The following TRIM4 variants were observed in gnomAD, a reference collection of about 807,000 sequenced individuals.
TRIM4 encodes tripartite motif containing 4, also known as E3 ubiquitin-protein ligase TRIM4.
Under a neutral mutation model 33.7 loss-of-function variants are expected in TRIM4, and 29 were observed. The observed-to-expected ratio is 0.86, with a 90% CI of 0.64 to 1.17. TRIM4 has a LOEUF of 1.17. TRIM4 is among the 50% of genes most tolerant of loss of function. TRIM4 has a pLI of 0.00. For synonymous variants in TRIM4, 224 were observed against 233.0 expected, an observed-to-expected ratio of 0.96 and a Z score of 0.35; for missense variants, 554 against 593.7, an observed-to-expected ratio of 0.93 and a Z score of 0.69.
At position 99,909,581 on chromosome 7, in the gene TRIM4, T is replaced by TTC. The variant is rs1232990019; in HGVS notation, c.471_472dup (p.Asn158ArgfsTer10). The TTC allele has an allele frequency of 1.2e-6, 2 of 1,613,894 alleles. No individual in the cohort carries two copies. Among genetic ancestry groups the TTC allele is most frequent in the African/African-American group, 2.7e-5 (2 of 74,898 alleles). ...TGCCATTACCTTCCACTGTGTGGCGTTCTTCACTTCTACATCCTGTAAATG... is the reference window on the plus strand; with the variant it reads ...TGCCATTACCTTCCACTGTGTGGCGTTCTCTTCACTTCTACATCCTGTAAATG... On this transcript the variant is annotated frameshift_variant, in exon 2 of 6. Coordinates refer to ENST00000349062, the MANE Select transcript of TRIM4 (RefSeq NM_033091.3). LOFTEE classifies it high-confidence loss of function.
At chr7:99,913,407 G>A (rs1475501643) in intron 1 of TRIM4, among the ~76,000 whole-genome samples, 1 of 152,160 alleles carries the variant, frequency 6.6e-6, no homozygotes, top group Non-Finnish European at 1.5e-5. Flanking sequence ...GGTGGCTCAC[G>A]CCTGTAATCC....
intron 1 of TRIM4, chr7:99,916,711 A>C (rs2151654168): frequency 2.6e-6 from 2 of 781,022 alleles, no homozygotes; most frequent in East Asian, 4.8e-5. Flanking sequence ...CCTCCTGCTT[A>C]AAATGGTACA....
In TRIM4 at chr7:99,891,014, A is replaced by T. The variant is rs1818881845; in HGVS notation, c.*1149T>A. 6.6e-6 allele frequency: 1 copy of T among 152,254 alleles called. No homozygotes were observed. The highest frequency in any genetic ancestry group is 2.1e-4 in the South Asian group (1 of 4,834). The allele number at this position is 152,254 out of a possible 1,614,324, so 9.4% of individuals were successfully genotyped here. On this transcript the variant is annotated 3_prime_UTR_variant, in exon 6 of 6. Coordinates refer to ENST00000349062, the MANE Select transcript of TRIM4 (RefSeq NM_033091.3). ...CTTACAAACTTTCTACAATAAGTAC[A>T]CATGACTTATATAAACAGAGAAAAG...
At chr7:99,907,289 T>TA (rs1168596310) in intron 3 of TRIM4, among the ~76,000 whole-genome samples, 6 of 152,200 alleles carry the variant, frequency 3.9e-5, no homozygotes, top group African/African-American at 1.4e-4. Flanking sequence ...AGCTAATTTT[T>TA]AGTAGAGACG....
At chr7:99,909,756 A>G in intron 1 of TRIM4, 96 bp from the exon 2 acceptor site, 2 of 987,908 alleles carry the variant, frequency 2.0e-6, no homozygotes, top group Admixed American at 2.7e-5. Context: ...TTTTTGAGAC[A>G]AAGTCTCACT....
chr7:99,917,711 C>T (rs1268970882), intron 1 of TRIM4: 1 of 743,384 alleles, frequency 1.3e-6, no homozygotes, highest in Non-Finnish European at 1.6e-6. Context: ...AAGAGCGAAA[C>T]TCCATCTCAA....
At chr7:99,908,854 C>T (rs1329595029) in intron 2 of TRIM4, 42 bp from the exon 3 acceptor site, 1 of 1,560,234 alleles carries the variant, frequency 6.4e-7, no homozygotes, top group Admixed American at 1.8e-5. Flanking sequence ...TTCTGCCTGA[C>T]CCCAGCTACT....
chr7:99,902,490 G>A (rs921903391), intron 5 of TRIM4, among the ~76,000 whole-genome samples: 44 of 152,102 alleles, frequency 2.9e-4, no homozygotes, highest in African/African-American at 1.0e-3. Flanking sequence ...CAAATGATCC[G>A]CCTGCCTCGA....
chr7:99,891,985 C>T lies in TRIM4; in HGVS notation c.*178G>A, dbSNP rs1367384137. On this transcript the variant is annotated 3_prime_UTR_variant, in exon 6 of 6. Transcript: ENST00000349062. ...GTCCCATCTCCATTGGCCAGACCCA[C>T]CTCCCATGGGACTGCCTCTTGTGAA... 6.7e-6 allele frequency: 4 copies of T among 594,218 alleles called. No individual in the cohort carries two copies. Among genetic ancestry groups the T allele is most frequent in the African/African-American group, 5.6e-5 (3 of 54,050 alleles). The allele number at this position is 594,218 out of a possible 1,614,324, so 36.8% of individuals were successfully genotyped here.
chr7:99,901,797 A>G (rs1819175465), intron 5 of TRIM4: 1 of 294,748 alleles, frequency 3.4e-6, no homozygotes, highest in African/African-American at 2.2e-5. Context: ...CCTTGAGTAG[A>G]TTTTCACAGG....
intron 1 of TRIM4, 47 bp downstream of exon 1, chr7:99,918,962 G>C (rs761702045): frequency 9.9e-5 from 154 of 1,547,938 alleles, no homozygotes; most frequent in Non-Finnish European, 1.2e-4. Context: ...AAACTTTATC[G>C]GGCAACACTG....
intron 5 of TRIM4, among the ~76,000 whole-genome samples, chr7:99,897,459 A>G (rs1246234326): frequency 6.6e-6 from 1 of 152,138 alleles, no homozygotes; most frequent in African/African-American, 2.4e-5. Context: ...ATAATGATAA[A>G]TGTTTGAGGT....
chr7:99,911,425 G>C (rs1324933795), intron 1 of TRIM4, among the ~76,000 whole-genome samples: 2 of 151,910 alleles, frequency 1.3e-5, no homozygotes, highest in African/African-American at 4.8e-5. Flanking sequence ...GCAACTTTCT[G>C]TAAGTCTCAC....
intron 1 of TRIM4, among the ~76,000 whole-genome samples, chr7:99,914,895 C>T (rs941531193): frequency 6.6e-6 from 1 of 151,670 alleles, no homozygotes; most frequent in Non-Finnish European, 1.5e-5. Flanking sequence ...CTGCAACCTC[C>T]GCCTCCCGGA....
chr7:99,901,326 T>C (rs908716606), intron 5 of TRIM4: 1 of 152,240 alleles, frequency 6.6e-6, no homozygotes, highest in Admixed American at 6.5e-5. Flanking sequence ...ACACTCATAA[T>C]AAATGTTTTA....
At chr7:99,900,799 G>T (rs1035711273) in intron 5 of TRIM4, among the ~76,000 whole-genome samples, 16 of 152,164 alleles carry the variant, frequency 1.1e-4, no homozygotes, top group Non-Finnish European at 2.4e-4. Context: ...CCAATGAGAA[G>T]TGTAATGTCA....
At chr7:99,916,879 C>G in intron 1 of TRIM4, 1 of 727,876 alleles carries the variant, frequency 1.4e-6, no homozygotes, top group South Asian at 1.5e-5. Context: ...CTATGGCAAA[C>G]AAGATCCTTC....
chr7:99,908,856 C>A, intron 2 of TRIM4, 44 bp from the exon 3 acceptor site: 1 of 1,558,376 alleles, frequency 6.4e-7, no homozygotes, highest in South Asian at 1.1e-5. Context: ...CTGCCTGACC[C>A]CAGCTACTAA....
intron 1 of TRIM4, 58 bp downstream of exon 1, chr7:99,918,951 T>C: frequency 1.3e-6 from 2 of 1,522,798 alleles, no homozygotes; most frequent in Non-Finnish European, 1.8e-6. Flanking sequence ...GAGCATTAAG[T>C]AAACTTTATC....
Sources: gnomAD v4.1 joint callset for allele counts (sites outside exome capture counted in the v4.1 genomes callset) on GRCh38, gnomAD v4.1.1 for gene constraint, MANE v1.5 for transcripts, NCBI Gene and HGNC (gene_info 2026-07-23, HGNC 2026-07-21) for gene names.